The following PCID2 variants were observed in gnomAD, a reference collection of about 807,000 sequenced individuals.
PCID2 encodes the protein PCI domain-containing protein 2.
PCID2 carries 41 observed loss-of-function variants against 61.3 expected under a neutral mutation model. That is an observed-to-expected ratio of 0.67 (90% CI 0.52 to 0.87). The LOEUF (loss-of-function observed/expected upper bound fraction) is 0.87. Ranked by LOEUF, PCID2 falls within the 40% of genes least tolerant of loss-of-function variation. The pLI, the probability that PCID2 is intolerant of heterozygous loss-of-function variation, is 0.00. For synonymous variants in PCID2, 187 were observed against 177.8 expected, an observed-to-expected ratio of 1.05 and a Z score of -0.41; for missense variants, 392 against 493.4, an observed-to-expected ratio of 0.79 and a Z score of 1.95.
intron 1 of PCID2, among the ~76,000 whole-genome samples, chr13:113,207,135 G>T (rs1318040769): frequency 6.6e-6 from 1 of 152,198 alleles, no homozygotes; most frequent in Non-Finnish European, 1.5e-5. Flanking sequence ...TACATCGCAA[G>T]CTTTTGCCAG....
At chr13:113,172,202 G>C in the PCID2 span, 1 of 1,511,908 alleles carries the variant, frequency 6.6e-7, no homozygotes, top group Non-Finnish European at 9.0e-7. Context: ...ATCACACACT[G>C]AGAGGCCGTC....
downstream of PCID2, among the ~76,000 whole-genome samples, chr13:113,176,593 T>TTGC (rs2037195136): frequency 3.0e-4 from 2 of 6,630 alleles, no homozygotes; most frequent in East Asian, 2.9e-3. Context: ...CAAGACGCTG[T>TTGC]CTCTACAAAA....
chr13:113,165,019 G>A, the PCID2 span: 1 of 1,608,464 alleles, frequency 6.2e-7, no homozygotes, highest in Non-Finnish European at 8.5e-7. Flanking sequence ...AGAAGGCGCT[G>A]ATTTTTATTC....
chr13:113,195,349 G>C (rs1283855242), intron 5 of PCID2, among the ~76,000 whole-genome samples: 1 of 152,052 alleles, frequency 6.6e-6, no homozygotes, highest in Non-Finnish European at 1.5e-5. Context: ...CCACACCCCT[G>C]TCCCCAACCC....
intron 8 of PCID2, 141 bp from the exon 9 acceptor site, chr13:113,184,628 C>G: frequency 1.6e-6 from 1 of 612,616 alleles, no homozygotes; most frequent in Admixed American, 2.8e-5. Flanking sequence ...AAAACCAAAA[C>G]AGAGAGCAGC....
downstream of PCID2, among the ~76,000 whole-genome samples, chr13:113,174,795 T>C (rs1161198316): frequency 2.0e-5 from 3 of 152,174 alleles, no homozygotes; most frequent in African/African-American, 7.2e-5. Flanking sequence ...GTGATGATGT[T>C]TTAAAAGGGC....
rs1314420462 is a variant in PCID2, at chr13:113,195,114, A to C, written c.320T>G (p.Val107Gly). Residue 107 changes from valine (V) to glycine (G), a missense_variant, in exon 6 of 14, where the codon GTC (valine) becomes GGC (glycine). Around this residue, in one of 3 missense-constraint regions of PCID2, gnomAD observed 155 missense variants for 164.9 expected, o/e 0.94. Transcript: ENST00000337344. The part of the protein sequence containing the change: ...AHKEENWALP[V>G]MYAVALDLRV... Reference sequence around the variant, plus strand: ...AAGGTCAAGCGCTACTGCATACATGACAGGCAGAGCCCTGCAGGGCAAAAA... The same window carrying C: ...AAGGTCAAGCGCTACTGCATACATGCCAGGCAGAGCCCTGCAGGGCAAAAA... The C allele has an allele frequency of 6.2e-7, 1 of 1,610,268 alleles. No individual in the cohort carries two copies. Among genetic ancestry groups the C allele is most frequent in the South Asian group, 1.1e-5 (1 of 90,992 alleles).
chr13:113,171,834 G>A, the PCID2 span: 1 of 1,613,640 alleles, frequency 6.2e-7, no homozygotes, highest in African/African-American at 1.3e-5. This position sits in a 1 kb window ranked among gnomAD's most constrained non-coding sequence, Gnocchi z 5.1. Flanking sequence ...ACTGACCTGG[G>A]CAACTCGCTG....
chr13:113,179,422 T>C lies in PCID2; in HGVS notation c.987-333A>G, dbSNP rs2037413260. Among the ~76,000 whole-genome samples the C allele has an allele frequency of 1.3e-5, 2 of 152,182 alleles. No homozygotes were observed. Among genetic ancestry groups the C allele is most frequent in the African/African-American group, 4.8e-5 (2 of 41,428 alleles). ...TCAGCGAAATAGGGTCCCTACTGTT[T>C]GTGACGTGCTACCCACAGCTCTATA... On this transcript the variant is annotated intron_variant, in intron 12 of 13. Transcript: ENST00000337344. This position sits in a 1 kb window ranked among gnomAD's most constrained non-coding sequence, Gnocchi z 4.3.
At chr13:113,197,297 T>C in intron 3 of PCID2, 54 bp from the exon 4 acceptor site, 5 of 1,265,562 alleles carry the variant, frequency 4.0e-6, no homozygotes, top group Non-Finnish European at 5.8e-6. Flanking sequence ...GCACTAGTTA[T>C]GCAGCCCACA....
intron 7 of PCID2, chr13:113,186,287 A>C (rs1017650274): frequency 6.6e-6 from 1 of 152,282 alleles, no homozygotes; most frequent in African/African-American, 2.4e-5. Context: ...CCTCAGCAGC[A>C]AGCAGACAGA....
downstream of PCID2, among the ~76,000 whole-genome samples, chr13:113,175,892 T>C (rs2037177437): frequency 1.3e-5 from 2 of 152,120 alleles, no homozygotes; most frequent in South Asian, 4.1e-4. Context: ...GCTCCCTACG[T>C]GTGGAGAGAA....
chr13:113,177,036 C>A (rs553337735), downstream of PCID2, among the ~76,000 whole-genome samples: 1 of 152,266 alleles, frequency 6.6e-6, no homozygotes, highest in Non-Finnish European at 1.5e-5. Context: ...GCCGAAGGGA[C>A]GCGCTCAGGG....
At chr13:113,174,236 TC>T (rs2037156864), downstream of PCID2, among the ~76,000 whole-genome samples, 2 of 139,834 alleles carry the variant, frequency 1.4e-5, no homozygotes. Context: ...AGACTCCATC[TC>T]AAAAAAAAAA....
At chr13:113,202,473 T>C (rs1468564883) in intron 1 of PCID2, among the ~76,000 whole-genome samples, 1 of 152,216 alleles carries the variant, frequency 6.6e-6, no homozygotes, top group Non-Finnish European at 1.5e-5. Context: ...ACAAACTAAA[T>C]ATCCATCCAT....
At position 113,178,281 on chromosome 13, in the gene PCID2, C is replaced by T. The variant is rs371915766; in HGVS notation, c.1117G>A (p.Val373Ile). The part of the protein sequence containing the change: ...ILANLIYMGH[V>I]KGYISHQHQK... ...TGCTGATGCGATATGTAGCCTTTGA[C>T]GTGTCCCTGCGGGGCAGAAAGGGAG... Residue 373 changes from valine (V) to isoleucine (I), a missense_variant, in exon 14 of 14, where the codon GTC (valine) becomes ATC (isoleucine). By Grantham distance (29) the Val-to-Ile change is conservative. This residue lies in a region of PCID2 where 226 missense variants were observed against 296.5 expected (regional missense o/e 0.76). Coordinates refer to ENST00000337344, the MANE Select transcript of PCID2 (RefSeq NM_001127202.4). 5.0e-6 allele frequency: 8 copies of T among 1,612,478 alleles called. No individual in the cohort carries two copies. Among genetic ancestry groups the T allele is most frequent in the African/African-American group, 1.3e-5 (1 of 74,898 alleles).
At chr13:113,201,340 A>G (rs2039412064) in intron 1 of PCID2, among the ~76,000 whole-genome samples, 1 of 152,200 alleles carries the variant, frequency 6.6e-6, no homozygotes, top group African/African-American at 2.4e-5. Flanking sequence ...AAAGAAGAGA[A>G]AAATTACGTA....
chr13:113,204,327 G>A (rs995086702), intron 1 of PCID2, among the ~76,000 whole-genome samples: 1 of 152,250 alleles, frequency 6.6e-6, no homozygotes, highest in Non-Finnish European at 1.5e-5. Flanking sequence ...AAAGCTGAGA[G>A]TCCCAGACTT....
At chr13:113,205,792 G>T (rs992409501) in intron 1 of PCID2, among the ~76,000 whole-genome samples, 1 of 152,178 alleles carries the variant, frequency 6.6e-6, no homozygotes, top group Non-Finnish European at 1.5e-5. Flanking sequence ...GCACATTAGC[G>T]GTTGACAAGC....
Sources: allele counts gnomAD v4.1 joint callset (sites outside exome capture counted in the v4.1 genomes callset), GRCh38; gene constraint gnomAD v4.1.1; regional missense constraint gnomAD v4.1.1; non-coding constraint Gnocchi (gnomAD v3.1); transcripts MANE v1.5; gene names NCBI Gene and HGNC (gene_info 2026-07-23, HGNC 2026-07-21).